The following ZBTB7C variants were observed in gnomAD, a reference collection of about 807,000 sequenced individuals.
ZBTB7C encodes zinc finger and BTB domain containing 7C, also known as zinc finger and BTB domain-containing protein 7C.
A neutral mutation model predicts 25.7 loss-of-function variants in ZBTB7C; 8 were observed. The observed-to-expected ratio is 0.31, with a 90% confidence interval of 0.18 to 0.56. The LOEUF is 0.56. ZBTB7C is among the 20% of genes least tolerant of loss of function. The pLI is 0.91. For synonymous variants in ZBTB7C, 394 were observed against 369.0 expected (o/e 1.07, Z -0.78); for missense variants, 824 against 855.2 (o/e 0.96, Z 0.46).
chr18:48,174,000 C>T (rs2041586524), intron 3 of ZBTB7C, among the ~76,000 whole-genome samples: 1 of 152,236 alleles, frequency 6.6e-6, no homozygotes, highest in African/African-American at 2.4e-5. Context: ...TCCAATTCAT[C>T]TTTTAGAATC....
At chr18:48,246,446 T>C (rs1262007502) in intron 2 of ZBTB7C, among the ~76,000 whole-genome samples, 1 of 149,672 alleles carries the variant, frequency 6.7e-6, no homozygotes, top group Non-Finnish European at 1.5e-5. Flanking sequence ...AAATAAATAA[T>C]AAAATAATAA....
chr18:48,341,865 G>A (rs142529112), intron 1 of ZBTB7C, among the ~76,000 whole-genome samples: 1 of 152,350 alleles, frequency 6.6e-6, no homozygotes, highest in African/African-American at 2.4e-5. Context: ...AGATGTTGAG[G>A]GGGAGATGGA....
chr18:48,047,448 T>C (rs1435363046), intron 3 of ZBTB7C, among the ~76,000 whole-genome samples: 1 of 150,814 alleles, frequency 6.6e-6, no homozygotes, highest in Non-Finnish European at 1.5e-5. Flanking sequence ...AGAAAAAAAA[T>C]AGAGATGAAA....
chr18:48,085,982 C>T (rs1349510149), intron 3 of ZBTB7C, among the ~76,000 whole-genome samples: 1 of 152,200 alleles, frequency 6.6e-6, no homozygotes, highest in Non-Finnish European at 1.5e-5. Context: ...CACCTCTCCT[C>T]TCTCCCTGAG....
At chr18:48,291,607 C>T (rs545856421) in intron 2 of ZBTB7C, among the ~76,000 whole-genome samples, 1 of 152,252 alleles carries the variant, frequency 6.6e-6, no homozygotes, top group African/African-American at 2.4e-5. Flanking sequence ...GTTGATGTGG[C>T]ACTGCGAATT....
intron 3 of ZBTB7C, among the ~76,000 whole-genome samples, chr18:48,075,613 G>A (rs947785848): frequency 6.6e-6 from 1 of 152,140 alleles, no homozygotes; most frequent in Non-Finnish European, 1.5e-5. Context: ...GCATCTGGAG[G>A]CTTCCCCTGC....
At chr18:48,197,788 A>C (rs2042350684) in intron 2 of ZBTB7C, among the ~76,000 whole-genome samples, 1 of 152,146 alleles carries the variant, frequency 6.6e-6, no homozygotes, top group Admixed American at 6.5e-5. Context: ...CTTAATCTTA[A>C]TTCCTTCCTT....
intron 1 of ZBTB7C, among the ~76,000 whole-genome samples, chr18:48,339,764 G>A (rs2046549015): frequency 6.6e-6 from 1 of 152,130 alleles, no homozygotes; most frequent in Admixed American, 6.5e-5. Flanking sequence ...TTCCCTCATA[G>A]GAGGGTCGAA....
At chr18:48,052,248 A>G (rs768290084) in intron 3 of ZBTB7C, among the ~76,000 whole-genome samples, 8 of 152,174 alleles carry the variant, frequency 5.3e-5, no homozygotes, top group Non-Finnish European at 1.2e-4. Context: ...ACAAGCATCA[A>G]CCCATGAGAG....
rs140007327 is a variant in ZBTB7C, at chr18:48,385,602, G to A, written c.-304+23624C>T. 3.9e-5 allele frequency among the ~76,000 whole-genome samples: 6 copies of A among 152,380 alleles called. No individual in the cohort carries two copies. In the East Asian group the frequency reaches 1.2e-3, roughly 29 times the overall value. The stretch of plus-strand genomic sequence containing the variant: ...GCAAACATGCCCTGCACAAAGGCAG[G>A]CCCGCCCGGAACGCATGCACCATTC... On this transcript the variant is annotated intron_variant, in intron 1 of 4. Transcript: ENST00000590800.
At chr18:48,108,137 G>A (rs1049715197) in intron 3 of ZBTB7C, among the ~76,000 whole-genome samples, 17 of 152,270 alleles carry the variant, frequency 1.1e-4, no homozygotes, top group South Asian at 2.1e-4. Context: ...CCCAAGGCTC[G>A]TCTATTCTAA....
chr18:48,106,721 C>T (rs1018616711), intron 3 of ZBTB7C, among the ~76,000 whole-genome samples: 1 of 152,086 alleles, frequency 6.6e-6, no homozygotes, highest in Non-Finnish European at 1.5e-5. Flanking sequence ...AAAATAACCC[C>T]CAGGCAAACT....
intron 3 of ZBTB7C, chr18:48,072,456 T>G (rs1274803599): frequency 6.6e-6 from 1 of 152,218 alleles, no homozygotes; most frequent in Non-Finnish European, 1.5e-5. Flanking sequence ...CAACCCCAGC[T>G]CACCTTTCCC....
intron 3 of ZBTB7C, among the ~76,000 whole-genome samples, chr18:48,075,180 G>T (rs958014455): frequency 5.3e-5 from 8 of 152,136 alleles, no homozygotes; most frequent in Admixed American, 1.3e-4. Flanking sequence ...TGAAGAGGAC[G>T]CATTTGAGCT....
chr18:48,262,011 C>A (rs547274631), intron 2 of ZBTB7C, among the ~76,000 whole-genome samples: 1 of 151,846 alleles, frequency 6.6e-6, no homozygotes, highest in Non-Finnish European at 1.5e-5. Flanking sequence ...TCTTCCCTAT[C>A]CTCTGGGACC....
chr18:48,079,924 G>C (rs1598839924), intron 3 of ZBTB7C, among the ~76,000 whole-genome samples: 1 of 152,224 alleles, frequency 6.6e-6, no homozygotes, highest in East Asian at 1.9e-4. Context: ...AAGTGCCCAG[G>C]GACTGCAGGG....
intron 2 of ZBTB7C, among the ~76,000 whole-genome samples, chr18:48,236,243 G>C (rs2145371219): frequency 6.6e-6 from 1 of 152,216 alleles, no homozygotes; most frequent in African/African-American, 2.4e-5. Context: ...CTATGTCCAA[G>C]TTTATCTAAA....
At position 48,310,229 on chromosome 18, in the gene ZBTB7C, CA is replaced by C. The variant is rs201208058; in HGVS notation, c.-79+27944del. On this transcript the variant is annotated intron_variant, in intron 2 of 4. Coordinates refer to ENST00000590800, the MANE Select transcript of ZBTB7C (RefSeq NM_001318841.2). ...TGGGCAACAGAGTGAGACTCCACCT[CA>C]AAAAAAAAAAAAATTGGTTCCTATT... Among the ~76,000 whole-genome samples, 1,230 of 129,824 alleles carry C rather than the reference CA, an allele frequency of 9.5e-3. 7 individuals carry two copies. The highest frequency in any genetic ancestry group is 0.041 in the East Asian group (189 of 4,580). The allele number at this position is 129,824 out of a possible 152,430, so 85.2% of individuals were successfully genotyped here.
intron 2 of ZBTB7C, among the ~76,000 whole-genome samples, chr18:48,213,004 G>C (rs1457616404): frequency 1.3e-5 from 2 of 152,180 alleles, no homozygotes; most frequent in Non-Finnish European, 2.9e-5. Flanking sequence ...CAAAGGGAAG[G>C]CCTTTCCTCC....
Sources: allele counts gnomAD v4.1 joint callset (sites outside exome capture counted in the v4.1 genomes callset), GRCh38; gene constraint gnomAD v4.1.1; transcripts MANE v1.5; gene names NCBI Gene and HGNC (gene_info 2026-07-23, HGNC 2026-07-21).